The following NOTCH1 variants were observed in gnomAD, a reference collection of about 807,000 sequenced individuals.
NOTCH1 encodes notch receptor 1, also known as neurogenic locus notch homolog protein 1.
NOTCH1 carries 37 observed loss-of-function variants against 254.8 expected under a neutral mutation model. The observed-to-expected ratio is 0.15, with a 90% CI of 0.11 to 0.19. The LOEUF is 0.19. Ranked by LOEUF, NOTCH1 falls within the 10% of genes least tolerant of loss-of-function variation. The pLI is 1.00. For missense variants in NOTCH1, 2,972 were observed against 3,708.6 expected, an observed-to-expected ratio of 0.80 and a Z score of 5.16; for synonymous variants, 1,731 against 1,618.1, an observed-to-expected ratio of 1.07 and a Z score of -1.68.
chr9:136,534,209 C>G (rs1843606613), intron 2 of NOTCH1, among the ~76,000 whole-genome samples: 1 of 152,214 alleles, frequency 6.6e-6, no homozygotes, highest in Admixed American at 6.5e-5. Context: ...CTCCCTGGGC[C>G]TTGGCTCAGG....
intron 26 of NOTCH1, 44 bp from the exon 27 acceptor site, chr9:136,503,374 C>T (rs1391065901): frequency 1.2e-6 from 2 of 1,611,444 alleles, no homozygotes; most frequent in Non-Finnish European, 8.5e-7. Flanking sequence ...AGGCTTCCTC[C>T]TCCCCCGCCC....
In NOTCH1 at chr9:136,508,039, A is replaced by G; in HGVS notation, c.3426T>C (p.Cys1142=). The G allele has an allele frequency of 1.2e-6, 2 of 1,612,260 alleles. No homozygotes were observed. The highest frequency in any genetic ancestry group is 8.5e-7 in the Non-Finnish European group (1 of 1,180,000). The part of the protein sequence containing the change: ...RCQAGYTGSY[C]EDLVDECSPS... ...GTGAGCACTCGTCCACCAGGTCCTC[A>G]CAGTAGCTGCCTGTGTAGCCCGCCT... The change falls in exon 21 of 34, where the codon TGT becomes TGC. Residue 1142 remains cysteine (C), a synonymous_variant. Coordinates refer to ENST00000651671, the MANE Select transcript of NOTCH1 (RefSeq NM_017617.5).
chr9:136,501,538 C>T (rs1301266728), intron 30 of NOTCH1, among the ~76,000 whole-genome samples: 4 of 151,950 alleles, frequency 2.6e-5, no homozygotes, highest in Admixed American at 2.0e-4. Context: ...AGTGGCCCTG[C>T]GGTATCACCC....
chr9:136,513,222 C>T lies in NOTCH1; in HGVS notation c.2354-88G>A. On this transcript the variant is annotated intron_variant, in intron 14 of 33. Transcript: ENST00000651671. This position sits in a 1 kb window ranked among gnomAD's most constrained non-coding sequence, Gnocchi z 4.7. ...CAACAGCAGCCCTGGGCCTGCTCCCCACCCCAGGCCCCTCCTCATCTCCAA... is the reference window on the plus strand; with the variant it reads ...CAACAGCAGCCCTGGGCCTGCTCCCTACCCCAGGCCCCTCCTCATCTCCAA... 1 of 1,436,366 alleles carries T rather than the reference C, an allele frequency of 7.0e-7. No individual in the cohort carries two copies. Among genetic ancestry groups the T allele is most frequent in the Non-Finnish European group, 9.8e-7 (1 of 1,024,162 alleles). 89.0% of individuals were successfully genotyped at this position (1,436,366 alleles called of 1,614,324 possible). A position where few individuals can be genotyped will look rare whatever the true frequency, so the allele number is the denominator to read the frequency against.
intron 30 of NOTCH1, 65 bp from the exon 31 acceptor site, chr9:136,500,912 G>A: frequency 6.6e-7 from 1 of 1,507,178 alleles, no homozygotes; most frequent in Non-Finnish European, 8.9e-7. Flanking sequence ...CAGGGGGAGG[G>A]GGGCAGCAGC....
In NOTCH1 at chr9:136,510,809, C is replaced by A. The variant is rs3125001; in HGVS notation, c.2588-4G>T. ...ATGTCGACCTCACAGGTCTGCCCTG[C>A]GGGGCAGGAGGAGGCCGGTTGGTCA... On this transcript the variant is annotated splice_region_variant and splice_polypyrimidine_tract_variant and intron_variant, in intron 16 of 33. Transcript: ENST00000651671. The A allele has an allele frequency of 1.2e-6, 2 of 1,607,808 alleles. No homozygotes were observed. Among genetic ancestry groups the A allele is most frequent in the Non-Finnish European group, 1.7e-6 (2 of 1,179,716 alleles).
At chr9:136,504,175 G>A (rs774253536) in intron 26 of NOTCH1, among the ~76,000 whole-genome samples, 1 of 152,220 alleles carries the variant, frequency 6.6e-6, no homozygotes, top group Non-Finnish European at 1.5e-5. Context: ...CTGGAGAGCT[G>A]AGTGTTTTGT....
At position 136,505,638 on chromosome 9, in the gene NOTCH1, A is replaced by C. The variant is rs2133340104; in HGVS notation, c.4258T>G (p.Phe1420Val). Residue 1420 changes from phenylalanine (F) to valine (V), a missense_variant, in exon 25 of 34, where the codon TTC (phenylalanine) becomes GTC (valine). By Grantham distance (50) the Phe-to-Val change is conservative. Around this residue, in one of 8 missense-constraint regions of NOTCH1, gnomAD observed 1,343 missense variants for 1,557.0 expected, o/e 0.86. Coordinates refer to ENST00000651671, the MANE Select transcript of NOTCH1 (RefSeq NM_017617.5). ...AGGATGTGGCACAAGAGCCCGTTGAATTTGGCGGGGCACAGGCAACGGTAG... is the reference window on the plus strand; with the variant it reads ...AGGATGTGGCACAAGAGCCCGTTGACTTTGGCGGGGCACAGGCAACGGTAG... The part of the protein sequence containing the change: ...PFYRCLCPAK[F>V]NGLLCHILDY... The C allele has an allele frequency of 6.2e-7, 1 of 1,612,206 alleles. No homozygotes were observed. Among genetic ancestry groups the C allele is most frequent in the Non-Finnish European group, 8.5e-7 (1 of 1,179,614 alleles).
At chr9:136,531,533 T>G (rs1843559305) in intron 2 of NOTCH1, among the ~76,000 whole-genome samples, 1 of 152,178 alleles carries the variant, frequency 6.6e-6, no homozygotes, top group South Asian at 2.1e-4. Flanking sequence ...CAAAGCATTC[T>G]TACAGCTCCA....
In NOTCH1 at chr9:136,497,125, G is replaced by A; in HGVS notation, c.6614C>T (p.Ser2205Leu). 1 of 1,612,330 alleles carries A rather than the reference G, an allele frequency of 6.2e-7. No individual in the cohort carries two copies. Among genetic ancestry groups the A allele is most frequent in the Non-Finnish European group, 8.5e-7 (1 of 1,179,752 alleles). ...GMLSPVDSLE[S>L]PHGYLSDVAS... ...CACGTCTGACAGGTAGCCATGGGGT[G>A]ACTCCAGGGAGTCCACGGGCGAGAG... is the stretch of plus-strand genomic sequence containing the variant. Residue 2205 changes from serine to leucine, a missense_variant, in exon 34 of 34, where the codon TCA becomes TTA. By Grantham distance (145) the Ser-to-Leu change is moderately radical. Coordinates refer to ENST00000651671, the MANE Select transcript of NOTCH1 (RefSeq NM_017617.5).
In NOTCH1 at chr9:136,506,550, C is replaced by G. The variant is rs769908800; in HGVS notation, c.3991G>C (p.Gly1331Arg). The stretch of plus-strand genomic sequence containing the variant: ...ACCGCAGGGCACTTGCAGATGAACC[C>G]GCGGGCGGTGTTGGAGGCCACGGCG... ...TCAVASNTAR[G>R]FICKCPAGFE... Residue 1331 changes from glycine to arginine, a missense_variant, in exon 24 of 34, where the codon GGG (glycine) becomes CGG (arginine). Around this residue, in one of 8 missense-constraint regions of NOTCH1, gnomAD observed 1,343 missense variants for 1,557.0 expected, o/e 0.86. Coordinates refer to ENST00000651671, the MANE Select transcript of NOTCH1 (RefSeq NM_017617.5). The surrounding 1 kb of genome is among the most constrained non-coding windows in gnomAD (Gnocchi z 4.5). 6.2e-7 allele frequency: 1 copy of G among 1,607,246 alleles called. No homozygotes were observed. Among genetic ancestry groups the G allele is most frequent in the Middle Eastern group, 2.0e-4 (1 of 5,088 alleles).
chr9:136,527,045 G>C (rs895730393), intron 2 of NOTCH1, among the ~76,000 whole-genome samples: 1 of 152,218 alleles, frequency 6.6e-6, no homozygotes, highest in Non-Finnish European at 1.5e-5. Context: ...GCTAGCTGGG[G>C]GGAACCGGGC....
rs746287924 is a variant in NOTCH1 at position 136,523,079 on chromosome 9, A to G, written c.513T>C (p.His171=). The change falls in exon 4 of 34, where the codon CAT becomes CAC. Residue 171 remains histidine, a synonymous_variant. Coordinates refer to ENST00000651671, the MANE Select transcript of NOTCH1 (RefSeq NM_017617.5). ...TGACATCCTGCCGGCAGGTGGGGCC[A>G]TGGAAGCTGGGTGGGCAGTGGCAGA... ...SYICHCPPSF[H]GPTCRQDVNE... 7.5e-6 allele frequency: 12 copies of G among 1,591,992 alleles called. No homozygotes were observed. The highest frequency in any genetic ancestry group is 6.8e-5 in the East Asian group (3 of 43,864).
Position 136,545,608 on chromosome 9 carries a change from C to T in NOTCH1, c.61+118G>A. 3.8e-6 allele frequency: 3 copies of T among 790,904 alleles called. No individual in the cohort carries two copies. In the South Asian group the frequency reaches 5.6e-5, roughly 15 times the overall value. 49.0% of individuals were successfully genotyped at this position (790,904 alleles called of 1,614,324 possible). A position where few individuals can be genotyped will look rare whatever the true frequency, so the allele number is the denominator to read the frequency against. On this transcript the variant is annotated intron_variant, in intron 1 of 33. Transcript: ENST00000651671. The surrounding 1 kb of genome is among the most constrained non-coding windows in gnomAD (Gnocchi z 6.8). The stretch of plus-strand genomic sequence containing the variant: ...CCCACGCCCCGGGCCGCCCGCTTTT[C>T]CCTCTCCATGCTGGCCTCCCCGCCG...
rs375583499 is a variant in NOTCH1 at position 136,540,533 on chromosome 9, C to T, written c.140+3491G>A. Among the ~76,000 whole-genome samples, 2 of 152,284 alleles carry T rather than the reference C, an allele frequency of 1.3e-5. No homozygotes were observed. Among genetic ancestry groups the T allele is most frequent in the East Asian group, 1.9e-4 (1 of 5,184 alleles). ...GCACTGTCAGCCAACGGGGAGAAGG[C>T]GGGGAAGAAAGGAGCGCTGACCAGG... On this transcript the variant is annotated intron_variant, in intron 2 of 33. Coordinates refer to ENST00000651671, the MANE Select transcript of NOTCH1 (RefSeq NM_017617.5). The surrounding 1 kb of genome is among the most constrained non-coding windows in gnomAD (Gnocchi z 4.4).
Position 136,545,752 on chromosome 9 carries a change from GC to G in NOTCH1, c.34del (p.Ala12ArgfsTer21). The G allele has an allele frequency of 7.1e-7, 1 of 1,411,350 alleles. No homozygotes were observed. The allele number at this position is 1,411,350 out of a possible 1,614,324, so 87.4% of individuals were successfully genotyped here. On this transcript the variant is annotated frameshift_variant, in exon 1 of 34. Transcript: ENST00000651671. LOFTEE classifies it high-confidence loss of function. The surrounding 1 kb of genome is among the most constrained non-coding windows in gnomAD (Gnocchi z 6.8). ...PPLLAPLLCL[A>X]LLPALAARGP... Reference sequence around the variant, plus strand: ...TCGTGCGGCGAGCGCGGGCAGCAGCGCCAGGCAGAGCAGGGGCGCCAGGAGC... The same window carrying G: ...TCGTGCGGCGAGCGCGGGCAGCAGCGCAGGCAGAGCAGGGGCGCCAGGAGC...
intron 2 of NOTCH1, among the ~76,000 whole-genome samples, chr9:136,532,859 TG>T (rs1487255560): frequency 6.6e-6 from 1 of 152,150 alleles, no homozygotes; most frequent in African/African-American, 2.4e-5. Context: ...GAAGGTCTCG[TG>T]GGGGTGGCCG....
Position 136,503,195 on chromosome 9 carries a change from G to T in NOTCH1, c.5154C>A (p.Ile1718=), listed in dbSNP as rs755764089. Residue 1718 remains isoleucine, a synonymous_variant, in exon 27 of 34, where the codon ATC becomes ATA. Coordinates refer to ENST00000651671, the MANE Select transcript of NOTCH1 (RefSeq NM_017617.5). ...GGCCACACTTACTCTGCACGGCCTC[G>T]ATCTTGTAGGGGATGTTGAGGCTGC... ...SLGSLNIPYK[I]EAVQSETVEP... is the part of the protein sequence containing the mutation. 1.2e-6 allele frequency: 2 copies of T among 1,612,820 alleles called. No homozygotes were observed. The highest frequency in any genetic ancestry group is 3.3e-5 in the Admixed American group (2 of 60,014).
At chr9:136,515,737 G>A (rs531296045) in intron 10 of NOTCH1, 21 bp from the exon 11 acceptor site, 1 of 1,529,094 alleles carries the variant, frequency 6.5e-7, no homozygotes, top group Admixed American at 2.0e-5. Context: ...GGAGGGGCGG[G>A]CACAGGAAGA....
Sources: gnomAD v4.1 joint callset for allele counts (sites outside exome capture counted in the v4.1 genomes callset) on GRCh38, gnomAD v4.1.1 for gene constraint, gnomAD v4.1.1 regional missense constraint, Gnocchi (gnomAD v3.1) non-coding constraint, MANE v1.5 for transcripts, NCBI Gene and HGNC (gene_info 2026-07-23, HGNC 2026-07-21) for gene names.